GFRA2: variants seen among roughly 807,000 people sequenced by gnomAD.
The protein encoded by GFRA2 is GDNF family receptor alpha-2.
Under a neutral mutation model 48.3 loss-of-function variants are expected in GFRA2, and 17 were observed. The observed-to-expected ratio is 0.35, with a 90% CI of 0.24 to 0.53. GFRA2 has a LOEUF of 0.53. Among genes scored for constraint, GFRA2 ranks in the 20% least tolerant of loss-of-function variants. The pLI is 0.93. For missense variants in GFRA2, 660 were observed against 637.3 expected, an observed-to-expected ratio of 1.04 and a Z score of -0.38; for synonymous variants, 305 against 257.2, an observed-to-expected ratio of 1.19 and a Z score of -1.78.
At chr8:21,722,110 A>T (rs1313535089) in intron 4 of GFRA2, among the ~76,000 whole-genome samples, 1 of 152,168 alleles carries the variant, frequency 6.6e-6, no homozygotes, top group Non-Finnish European at 1.5e-5. Flanking sequence ...GCTGGGGGTA[A>T]CCGGTTAAAA....
At chr8:21,764,702 G>A (rs534492671) in intron 3 of GFRA2, among the ~76,000 whole-genome samples, 2 of 152,078 alleles carry the variant, frequency 1.3e-5, no homozygotes, top group Non-Finnish European at 2.9e-5. Flanking sequence ...TCCTGAAATC[G>A]CCCCTTCCTG....
At position 21,725,505 on chromosome 8, in the gene GFRA2, T is replaced by C. The variant is rs184475403; in HGVS notation, c.795-19464A>G. Among the ~76,000 whole-genome samples, 4 of 152,404 alleles carry C rather than the reference T, an allele frequency of 2.6e-5. No homozygotes were observed. In the East Asian group the frequency reaches 7.7e-4, roughly 29 times the overall value. Reference sequence around the variant, plus strand: ...CTGTATTTTTATGCTGTTTGTTTTCTATAATTATTTCCTTTTAGTCTTGCC... The same window carrying C: ...CTGTATTTTTATGCTGTTTGTTTTCCATAATTATTTCCTTTTAGTCTTGCC... On this transcript the variant is annotated intron_variant, in intron 4 of 8. Transcript: ENST00000524240.
chr8:21,716,617 G>A (rs1309730455), intron 4 of GFRA2, among the ~76,000 whole-genome samples: 4 of 152,190 alleles, frequency 2.6e-5, no homozygotes, highest in Non-Finnish European at 4.4e-5. Flanking sequence ...TTCTGGCCTT[G>A]AGATTGGGCT....
intron 2 of GFRA2, among the ~76,000 whole-genome samples, chr8:21,800,220 A>T (rs1807746328): frequency 6.6e-6 from 1 of 152,186 alleles, no homozygotes; most frequent in Non-Finnish European, 1.5e-5. Context: ...TCAATCAATC[A>T]CTGAATTCTT....
intron 3 of GFRA2, among the ~76,000 whole-genome samples, chr8:21,774,508 C>A (rs767664353): frequency 6.6e-6 from 1 of 152,144 alleles, no homozygotes; most frequent in Non-Finnish European, 1.5e-5. Flanking sequence ...CTGACTGATG[C>A]GGCGTGCTGA....
chr8:21,744,572 C>T (rs1804908263), intron 4 of GFRA2, among the ~76,000 whole-genome samples: 1 of 151,550 alleles, frequency 6.6e-6, no homozygotes, highest in Admixed American at 6.6e-5. Flanking sequence ...CACACACACA[C>T]ACACACACAC....
At chr8:21,751,369 T>C (rs1451051385) in intron 3 of GFRA2, among the ~76,000 whole-genome samples, 1 of 152,168 alleles carries the variant, frequency 6.6e-6, no homozygotes, top group East Asian at 1.9e-4. Flanking sequence ...GGTCAGACAA[T>C]GCTCATGATG....
intron 4 of GFRA2, among the ~76,000 whole-genome samples, chr8:21,707,262 C>A (rs547230118): frequency 5.3e-5 from 8 of 152,214 alleles, no homozygotes; most frequent in Admixed American, 6.5e-5. Context: ...GCACATATAG[C>A]ACCTCATGAA....
chr8:21,757,562 C>T (rs575378997), intron 3 of GFRA2, among the ~76,000 whole-genome samples: 13 of 148,062 alleles, frequency 8.8e-5, no homozygotes, highest in East Asian at 5.9e-4. Context: ...GGCATGATCT[C>T]GGCTCACTGC....
intron 2 of GFRA2, among the ~76,000 whole-genome samples, chr8:21,801,070 G>A (rs1807761634): frequency 6.6e-6 from 1 of 152,132 alleles, no homozygotes; most frequent in Non-Finnish European, 1.5e-5. Context: ...AGCCCCTGCT[G>A]GAATCTGACA....
chr8:21,780,342 G>A (rs1806919626), intron 2 of GFRA2, among the ~76,000 whole-genome samples: 1 of 152,064 alleles, frequency 6.6e-6, no homozygotes, highest in Non-Finnish European at 1.5e-5. Context: ...CTTACCCTAA[G>A]GCATCTGACC....
intron 3 of GFRA2, among the ~76,000 whole-genome samples, chr8:21,761,724 T>C (rs1805920777): frequency 6.6e-6 from 1 of 151,802 alleles, no homozygotes. Flanking sequence ...CCAAGGTGGG[T>C]GGATTGCTTG....
Position 21,750,607 on chromosome 8 carries a change from G to A in GFRA2, c.775C>T (p.Arg259Trp), listed in dbSNP as rs745318008. Residue 259 changes from arginine (R) to tryptophan (W), a missense_variant, in exon 4 of 9, where the codon CGG becomes TGG. Physicochemically the swap from Arg to Trp is moderately radical, Grantham distance 101. Coordinates refer to ENST00000524240, the MANE Select transcript of GFRA2 (RefSeq NM_001495.5). The surrounding 1 kb of genome is among the most constrained non-coding windows in gnomAD (Gnocchi z 5.7). ...ACTCACCGACACAGGTGGTCAGTCC[G>A]GCACACGCCACGCAGGTCCAGGCAG... ...PNCLDLRGVC[R>W]TDHLCRSRLA... 13 of 1,607,294 alleles carry A rather than the reference G, an allele frequency of 8.1e-6. No homozygotes were observed. The highest frequency in any genetic ancestry group is 4.4e-5 in the South Asian group (4 of 90,420).
chr8:21,746,280 A>T (rs973661438), intron 4 of GFRA2, among the ~76,000 whole-genome samples: 1 of 151,290 alleles, frequency 6.6e-6, no homozygotes, highest in Non-Finnish European at 1.5e-5. Context: ...CCAAACCTCA[A>T]CTCTCCATCA....
chr8:21,765,995 A>G (rs1302391860), intron 3 of GFRA2, among the ~76,000 whole-genome samples: 1 of 152,058 alleles, frequency 6.6e-6, no homozygotes, highest in African/African-American at 2.4e-5. Context: ...GCCCAGCCCC[A>G]TGATCCATCC....
At chr8:21,697,131 G>GAA (rs1563211844) in intron 7 of GFRA2, among the ~76,000 whole-genome samples, 1 of 134,878 alleles carries the variant, frequency 7.4e-6, no homozygotes. Flanking sequence ...GAGAGAAGGG[G>GAA]GAGGGGACAG....
chr8:21,727,700 C>T (rs1303770741), intron 4 of GFRA2, among the ~76,000 whole-genome samples: 2 of 152,154 alleles, frequency 1.3e-5, no homozygotes, highest in African/African-American at 4.8e-5. Flanking sequence ...TGCCCGCAGA[C>T]GGCAGCCTCC....
intron 4 of GFRA2, among the ~76,000 whole-genome samples, chr8:21,724,910 T>C (rs971645626): frequency 1.3e-5 from 2 of 152,176 alleles, no homozygotes; most frequent in African/African-American, 4.8e-5. Context: ...TAGGCTGCAA[T>C]GGCCAGCAGC....
chr8:21,704,497 G>A (rs183283252), intron 6 of GFRA2, among the ~76,000 whole-genome samples: 2 of 152,330 alleles, frequency 1.3e-5, no homozygotes, highest in East Asian at 1.9e-4. Context: ...AAGGAAAGAG[G>A]GAAGAAATCT....
Sources: allele counts gnomAD v4.1 joint callset (sites outside exome capture counted in the v4.1 genomes callset), GRCh38; gene constraint gnomAD v4.1.1; non-coding constraint Gnocchi (gnomAD v3.1); transcripts MANE v1.5; gene names NCBI Gene and HGNC (gene_info 2026-07-23, HGNC 2026-07-21).